Variants in PLCG1 observed in about 807,000 individuals in gnomAD.
PLCG1 encodes 1-phosphatidylinositol 4,5-bisphosphate phosphodiesterase gamma-1.
Under a neutral mutation model 177.8 loss-of-function variants are expected in PLCG1, and 71 were observed. That is an observed-to-expected ratio of 0.40 (90% confidence interval 0.33 to 0.49). The LOEUF is 0.49. Ranked by LOEUF, PLCG1 falls within the 20% of genes least tolerant of loss-of-function variation. The pLI is 0.72. For missense variants in PLCG1, 1,281 were observed against 1,709.0 expected (o/e 0.75, Z 4.42); for synonymous variants, 658 against 647.9 (o/e 1.02, Z -0.24).
chr20:41,153,844 C>T lies in PLCG1; in HGVS notation c.218-5762C>T, dbSNP rs1225572771. On this transcript the variant is annotated intron_variant, in intron 1 of 31. Coordinates refer to ENST00000685551, the MANE Select transcript of PLCG1 (RefSeq NM_002660.3). The surrounding 1 kb of genome is among the most constrained non-coding windows in gnomAD (Gnocchi z 5.1). ...CCCGGAGGCAGAGGTTGCAGTGAAC[C>T]GAGATTGCACCACTGCACTCCAGCC... Among the ~76,000 whole-genome samples, 1 of 152,146 alleles carries T rather than the reference C, an allele frequency of 6.6e-6. No individual in the cohort carries two copies. Among genetic ancestry groups the T allele is most frequent in the Admixed American group, 6.5e-5 (1 of 15,276 alleles).
rs775255653 is a variant in PLCG1 at position 41,174,092 on chromosome 20, T to C, written c.3646-32T>C. On this transcript the variant is annotated intron_variant, in intron 30 of 31. Coordinates refer to ENST00000685551, the MANE Select transcript of PLCG1 (RefSeq NM_002660.3). The surrounding 1 kb of genome is among the most constrained non-coding windows in gnomAD (Gnocchi z 5.8). ...AGCCTCTAGAAGTGCAGAGGAGTCATTGACCCTCTTGTGCACCTGGCTTCG... is the reference window on the plus strand; with the variant it reads ...AGCCTCTAGAAGTGCAGAGGAGTCACTGACCCTCTTGTGCACCTGGCTTCG... 33 of 1,611,836 alleles carry C rather than the reference T, an allele frequency of 2.0e-5. No homozygotes were observed. The highest frequency in any genetic ancestry group is 2.7e-5 in the Non-Finnish European group (32 of 1,178,256).
chr20:41,158,500 T>TG (rs2035392690), intron 1 of PLCG1, among the ~76,000 whole-genome samples: 1 of 152,174 alleles, frequency 6.6e-6, no homozygotes, highest in African/African-American at 2.4e-5. Flanking sequence ...CTCCCTGTGC[T>TG]GGAGAGTGTG....
At position 41,172,841 on chromosome 20, in the gene PLCG1, C is replaced by T; in HGVS notation, c.3243C>T (p.Ser1081=). The change falls in exon 27 of 32, where the codon AGC becomes AGT. Residue 1081 remains serine (S), a synonymous_variant. Transcript: ENST00000685551. The surrounding 1 kb of genome is among the most constrained non-coding windows in gnomAD (Gnocchi z 7.0). ...CCTTCGACCCCTTTGACAAGAGCAG[C>T]CTCCGCGGGCTGGAGCCATGTGCCA... is the stretch of plus-strand genomic sequence containing the variant. ...DEAFDPFDKS[S]LRGLEPCAIS... The T allele has an allele frequency of 1.9e-6, 3 of 1,614,170 alleles. No individual in the cohort carries two copies. The highest frequency in any genetic ancestry group is 2.5e-6 in the Non-Finnish European group (3 of 1,180,038).
chr20:41,154,884 G>C (rs1160045922), intron 1 of PLCG1, among the ~76,000 whole-genome samples: 1 of 152,248 alleles, frequency 6.6e-6, no homozygotes, highest in Non-Finnish European at 1.5e-5. Flanking sequence ...CTCCCAGAGT[G>C]CTTGGGCATA....
chr20:41,172,056 G>C lies in PLCG1; in HGVS notation c.2809-137G>C. On this transcript the variant is annotated intron_variant, in intron 24 of 31. Coordinates refer to ENST00000685551, the MANE Select transcript of PLCG1 (RefSeq NM_002660.3). The surrounding 1 kb of genome is among the most constrained non-coding windows in gnomAD (Gnocchi z 7.0). ...GCTCCCTCATTTACTGTTGGGTGTGGTGTCTGGAAGGTACAGGGGAAGGTG... is the reference window on the plus strand; with the variant it reads ...GCTCCCTCATTTACTGTTGGGTGTGCTGTCTGGAAGGTACAGGGGAAGGTG... The C allele has an allele frequency of 2.8e-6, 2 of 714,788 alleles. No individual in the cohort carries two copies. The highest frequency in any genetic ancestry group is 4.9e-5 in the East Asian group (2 of 40,650). The allele number at this position is 714,788 out of a possible 1,614,324, so 44.3% of individuals were successfully genotyped here. A position where few individuals can be genotyped will look rare whatever the true frequency, so the allele number is the denominator to read the frequency against.
Position 41,167,882 on chromosome 20 carries a change from C to T in PLCG1, c.2332C>T (p.Arg778Cys), listed in dbSNP as rs767507889. The change falls in exon 20 of 32, where the codon CGC (arginine) becomes TGC (cysteine). Residue 778 changes from arginine to cysteine, a missense_variant. Transcript: ENST00000685551. The surrounding 1 kb of genome is among the most constrained non-coding windows in gnomAD (Gnocchi z 4.4). The stretch of plus-strand genomic sequence containing the variant: ...TGACTACGGGGCCCTGTATGAGGGA[C>T]GCAACCCTGGCTTCTATGTAGAGGC... ...EPDYGALYEG[R>C]NPGFYVEANP... 1.2e-5 allele frequency: 19 copies of T among 1,613,710 alleles called. No individual in the cohort carries two copies. In the South Asian group the frequency reaches 1.9e-4, roughly 16 times the overall value.
Position 41,163,009 on chromosome 20 carries a change from G to A in PLCG1, c.716+17G>A. ...TACTCTGAGGTTTGGTTTGGAGTGGGGAGGTGGGGTTTTCCCTGGGCCCCC... is the reference window on the plus strand; with the variant it reads ...TACTCTGAGGTTTGGTTTGGAGTGGAGAGGTGGGGTTTTCCCTGGGCCCCC... On this transcript the variant is annotated intron_variant, in intron 7 of 31. Coordinates refer to ENST00000685551, the MANE Select transcript of PLCG1 (RefSeq NM_002660.3). The surrounding 1 kb of genome is among the most constrained non-coding windows in gnomAD (Gnocchi z 5.2). 6.2e-7 allele frequency: 1 copy of A among 1,613,050 alleles called. No individual in the cohort carries two copies. The highest frequency in any genetic ancestry group is 8.5e-7 in the Non-Finnish European group (1 of 1,179,010).
rs2035699631 is a variant in PLCG1, at chr20:41,166,526, G to A, written c.2051G>A (p.Arg684His). The A allele has an allele frequency of 6.2e-7, 1 of 1,614,164 alleles. No homozygotes were observed. The highest frequency in any genetic ancestry group is 8.5e-7 in the Non-Finnish European group (1 of 1,180,044). ...TRAQAEHMLM[R>H]VPRDGAFLVR... ...GCACAGGCTGAGCACATGCTAATGC[G>A]CGTCCCTCGTGATGGGGCCTTCCTG... The change falls in exon 18 of 32, where the codon CGC becomes CAC. Residue 684 changes from arginine to histidine, a missense_variant. Coordinates refer to ENST00000685551, the MANE Select transcript of PLCG1 (RefSeq NM_002660.3). This position sits in a 1 kb window ranked among gnomAD's most constrained non-coding sequence, Gnocchi z 8.6.
chr20:41,162,235 GTT>G (rs11426520), intron 4 of PLCG1: 19 of 143,622 alleles, frequency 1.3e-4, no homozygotes, highest in Non-Finnish European at 1.6e-4. Context: ...TTTTGTTTTT[GTT>G]TTTTTTTTTT....
chr20:41,166,415 C>T lies in PLCG1; in HGVS notation c.2000+21C>T, dbSNP rs376449279. On this transcript the variant is annotated intron_variant, in intron 17 of 31. Transcript: ENST00000685551. This position sits in a 1 kb window ranked among gnomAD's most constrained non-coding sequence, Gnocchi z 8.6. Reference sequence around the variant, plus strand: ...AAAGAGTGAGGGAAGGGCCTGGGGGCGGACAAGGCAGGGCAGGGCCATGGG... The same window carrying T: ...AAAGAGTGAGGGAAGGGCCTGGGGGTGGACAAGGCAGGGCAGGGCCATGGG... The T allele has an allele frequency of 1.0e-4, 166 of 1,613,892 alleles. No individual in the cohort carries two copies. The highest frequency in any genetic ancestry group is 8.8e-4 in the Admixed American group (53 of 60,008).
In PLCG1 at chr20:41,165,963, TACATAC is replaced by T; in HGVS notation, c.1799+141_1799+146del. On this transcript the variant is annotated intron_variant, in intron 16 of 31. Coordinates refer to ENST00000685551, the MANE Select transcript of PLCG1 (RefSeq NM_002660.3). This position sits in a 1 kb window ranked among gnomAD's most constrained non-coding sequence, Gnocchi z 6.6. The stretch of plus-strand genomic sequence containing the variant: ...GCTTTACATGGAACATAATTTCACC[TACATAC>T]ACACACACACTCTCTGTCTCACCCC... The T allele has an allele frequency of 1.3e-6, 1 of 742,468 alleles. No individual in the cohort carries two copies. Among genetic ancestry groups the T allele is most frequent in the Non-Finnish European group, 2.2e-6 (1 of 462,786 alleles). 46.0% of individuals were successfully genotyped at this position (742,468 alleles called of 1,614,324 possible).
rs1312157246 is a variant in PLCG1, at chr20:41,138,020, CTG to C, written c.217+163_217+164del. 4 of 440,238 alleles carry C rather than the reference CTG, an allele frequency of 9.1e-6. No individual in the cohort carries two copies. In the Admixed American group the frequency reaches 1.8e-4, roughly 19 times the overall value. 27.3% of individuals were successfully genotyped at this position (440,238 alleles called of 1,614,324 possible). On this transcript the variant is annotated intron_variant, in intron 1 of 31. Coordinates refer to ENST00000685551, the MANE Select transcript of PLCG1 (RefSeq NM_002660.3). The stretch of plus-strand genomic sequence containing the variant: ...GCCCCCGCTTCGTCTCGGGTGGTCA[CTG>C]GGGGCGGGGGGCATCCGGGTCCTCG...
Position 41,142,942 on chromosome 20 carries a change from GGGGCTGGTGCCT to G in PLCG1, c.217+5087_217+5098del, listed in dbSNP as rs757784399. ...AGTTCGAATGCACCTGCTGTCCTAA[GGGGCTGGTGCCT>G]GGCCACCAAGCCCTTTGATTCAGAG... On this transcript the variant is annotated intron_variant, in intron 1 of 31. Coordinates refer to ENST00000685551, the MANE Select transcript of PLCG1 (RefSeq NM_002660.3). 2.4e-4 allele frequency among the ~76,000 whole-genome samples: 37 copies of G among 152,300 alleles called. No individual in the cohort carries two copies. The Middle Eastern group carries it at 0.01, about 42-fold the overall frequency.
chr20:41,167,458 C>T lies in PLCG1; in HGVS notation c.2302-394C>T, dbSNP rs373373690. Among the ~76,000 whole-genome samples the T allele has an allele frequency of 6.6e-5, 10 of 152,158 alleles. No homozygotes were observed. In the East Asian group the frequency reaches 1.7e-3, roughly 26 times the overall value. On this transcript the variant is annotated intron_variant, in intron 19 of 31. Transcript: ENST00000685551. The surrounding 1 kb of genome is among the most constrained non-coding windows in gnomAD (Gnocchi z 4.4). ...CTGGGACTCAAGTGATGGAGAGGAGCGGCAGGAGGAATGTGGGGAGTGGGA... is the reference window on the plus strand; with the variant it reads ...CTGGGACTCAAGTGATGGAGAGGAGTGGCAGGAGGAATGTGGGGAGTGGGA...
chr20:41,162,238 T>TG (rs1346377684), intron 4 of PLCG1: 10 of 245,184 alleles, frequency 4.1e-5, no homozygotes, highest in African/African-American at 2.0e-4. Context: ...TGTTTTTGTT[T>TG]TTTTTTTTTT....
chr20:41,162,575 G>C, intron 5 of PLCG1, 39 bp downstream of exon 5: 2 of 1,609,006 alleles, frequency 1.2e-6, no homozygotes, highest in Non-Finnish European at 1.7e-6. Context: ...TGGGGGCAGG[G>C]GAAGCCAAGA....
Position 41,164,952 on chromosome 20 carries a change from A to G in PLCG1, c.1237A>G (p.Ile413Val), listed in dbSNP as rs757281116. 5 of 1,614,110 alleles carry G rather than the reference A, an allele frequency of 3.1e-6. No homozygotes were observed. The highest frequency in any genetic ancestry group is 3.4e-6 in the Non-Finnish European group (4 of 1,179,990). Residue 413 changes from isoleucine to valine, a missense_variant, in exon 13 of 32, where the codon ATT (isoleucine) becomes GTT (valine). This residue lies in a region of PLCG1 where 723 missense variants were observed against 1,030.0 expected (regional missense o/e 0.70). Coordinates refer to ENST00000685551, the MANE Select transcript of PLCG1 (RefSeq NM_002660.3). This position sits in a 1 kb window ranked among gnomAD's most constrained non-coding sequence, Gnocchi z 6.4. ...VASEYPVILS[I>V]EDHCSIAQQR... The stretch of plus-strand genomic sequence containing the variant: ...CCGCAGGTACCCAGTCATCCTGTCC[A>G]TTGAGGACCACTGCAGCATTGCCCA...
rs1400438001 is a variant in PLCG1, at chr20:41,163,990, C to T, written c.1080C>T (p.Gly360=). The change falls in exon 11 of 32, where the codon GGC becomes GGT. Residue 360 remains glycine, a synonymous_variant. Transcript: ENST00000685551. The surrounding 1 kb of genome is among the most constrained non-coding windows in gnomAD (Gnocchi z 5.2). ...LEAYARCLRM[G]CRCIELDCWD... is the part of the protein sequence containing the mutation. ...CCTATGCTCGCTGCCTGCGGATGGG[C>T]TGTCGCTGCATTGAGTGTGCGTGGG... The T allele has an allele frequency of 6.2e-7, 1 of 1,614,200 alleles. No homozygotes were observed. The highest frequency in any genetic ancestry group is 1.7e-5 in the Admixed American group (1 of 60,028).
In PLCG1 at chr20:41,160,519, G is replaced by T. The variant is rs748709997; in HGVS notation, c.512+366G>T. On this transcript the variant is annotated intron_variant, in intron 4 of 31. Transcript: ENST00000685551. The surrounding 1 kb of genome is among the most constrained non-coding windows in gnomAD (Gnocchi z 5.5). Reference sequence around the variant, plus strand: ...CCAGAGGGGCCAAGGAGAGAAGGGGGAGCAAAGACCAGATAGTGTGGGTGC... The same window carrying T: ...CCAGAGGGGCCAAGGAGAGAAGGGGTAGCAAAGACCAGATAGTGTGGGTGC... Among the ~76,000 whole-genome samples the T allele has an allele frequency of 7.9e-5, 12 of 152,196 alleles. No homozygotes were observed. The highest frequency in any genetic ancestry group is 1.8e-4 in the Non-Finnish European group (12 of 68,034).
Sources: gnomAD v4.1 joint callset for allele counts (sites outside exome capture counted in the v4.1 genomes callset) on GRCh38, gnomAD v4.1.1 for gene constraint, gnomAD v4.1.1 regional missense constraint, Gnocchi (gnomAD v3.1) non-coding constraint, MANE v1.5 for transcripts, NCBI Gene and HGNC (gene_info 2026-07-23, HGNC 2026-07-21) for gene names.